Variants in SLC29A3 observed in about 807,000 individuals in gnomAD.
SLC29A3 encodes the protein solute carrier family 29 member 3, also known as equilibrative nucleoside transporter 3.
Under a neutral mutation model 25.4 loss-of-function variants are expected in SLC29A3, and 18 were observed. The observed-to-expected ratio is 0.71, with a 90% confidence interval of 0.49 to 1.05. The LOEUF is 1.05. Ranked by LOEUF, SLC29A3 falls within the 50% of genes least tolerant of loss-of-function variation. The probability of loss-of-function intolerance (pLI) is 0.00; values close to 1 mark genes in which losing one functional copy is unlikely to be tolerated. For synonymous variants in SLC29A3, 258 were observed against 267.1 expected (o/e 0.97, Z 0.33); for missense variants, 586 against 609.0 (o/e 0.96, Z 0.40).
At chr10:71,324,389 G>A (rs1239763825) in intron 2 of SLC29A3, among the ~76,000 whole-genome samples, 1 of 152,192 alleles carries the variant, frequency 6.6e-6, no homozygotes, top group Admixed American at 6.5e-5. Context: ...GACCGACTGA[G>A]TATGCTTGGG....
intron 3 of SLC29A3, among the ~76,000 whole-genome samples, chr10:71,374,202 A>T (rs754998322): frequency 4.6e-5 from 7 of 151,942 alleles, no homozygotes; most frequent in Non-Finnish European, 8.8e-5. Flanking sequence ...CATTATTTGT[A>T]CCTCTCTTCC....
At chr10:71,323,692 G>T (rs563262122) in intron 2 of SLC29A3, among the ~76,000 whole-genome samples, 23 of 152,340 alleles carry the variant, frequency 1.5e-4, no homozygotes, top group Admixed American at 2.6e-4. Context: ...AAAATGGGAG[G>T]TTCTGTTATG....
At chr10:71,375,332 A>G (rs969403777) in intron 3 of SLC29A3, among the ~76,000 whole-genome samples, 76 of 151,990 alleles carry the variant, frequency 5.0e-4, no homozygotes, top group African/African-American at 1.8e-3. Flanking sequence ...AGTATTAAAC[A>G]CAGAACTGCA....
At chr10:71,361,468 G>A (rs1049229130) in intron 5 of SLC29A3, among the ~76,000 whole-genome samples, 5 of 152,326 alleles carry the variant, frequency 3.3e-5, no homozygotes, top group African/African-American at 9.6e-5. Context: ...GGCCTAGAAT[G>A]TTAACAGCCA....
At chr10:71,355,592 C>T (rs1846882537) in intron 4 of SLC29A3, among the ~76,000 whole-genome samples, 1 of 152,166 alleles carries the variant, frequency 6.6e-6, no homozygotes, top group South Asian at 2.1e-4. Context: ...AGGGTGGCCT[C>T]TGGGCAGCAG....
exon 5 of SLC29A3, chr10:71,380,816 C>G (rs1173165467): frequency 6.6e-6 from 1 of 152,224 alleles, no homozygotes; most frequent in African/African-American, 2.4e-5. Context: ...AATCTCTCAT[C>G]ACGCCATTCA....
chr10:71,328,566 C>T (rs1002126029), intron 2 of SLC29A3, among the ~76,000 whole-genome samples: 1 of 152,222 alleles, frequency 6.6e-6, no homozygotes. Flanking sequence ...AACTCTCTTA[C>T]TCTACATCCT....
chr10:71,351,785 T>C lies in SLC29A3; in HGVS notation c.607T>C (p.Ser203Pro), dbSNP rs397514626. ...FPMRNSQALI[S>P]GGAMGGTVSA... ...TATGAGGAACTCCCAGGCACTGATA[T>C]CAGGTGAGAGCCAGGGTCCGGGCAG... The change falls in exon 4 of 6, where the codon TCA becomes CCA. Residue 203 changes from serine (S) to proline (P), a missense_variant. Coordinates refer to ENST00000373189, the MANE Select transcript of SLC29A3 (RefSeq NM_018344.6). 5 of 1,610,720 alleles carry C rather than the reference T, an allele frequency of 3.1e-6. No individual in the cohort carries two copies. The highest frequency in any genetic ancestry group is 2.2e-5 in the East Asian group (1 of 44,840).
intron 4 of SLC29A3, 112 bp from the exon 5 acceptor site, chr10:71,355,969 T>C (rs1402337074): frequency 6.2e-6 from 8 of 1,280,490 alleles, no homozygotes; most frequent in Non-Finnish European, 7.8e-6. Flanking sequence ...TTTGGCATTT[T>C]TCGCACGGAG....
intron 2 of SLC29A3, among the ~76,000 whole-genome samples, chr10:71,337,825 G>T (rs1158269098): frequency 1.3e-5 from 2 of 152,244 alleles, no homozygotes; most frequent in African/African-American, 2.4e-5. Flanking sequence ...GAGCCTCTCA[G>T]TGTGGCGGAG....
intron 5 of SLC29A3, among the ~76,000 whole-genome samples, chr10:71,359,748 C>T (rs559709182): frequency 9.2e-5 from 14 of 152,234 alleles, no homozygotes; most frequent in Non-Finnish European, 1.8e-4. Flanking sequence ...TGTGCCTGGC[C>T]CAAGATCACA....
chr10:71,322,708 G>C (rs757238959), intron 1 of SLC29A3, 48 bp from the exon 2 acceptor site: 5 of 1,610,910 alleles, frequency 3.1e-6, no homozygotes, highest in Non-Finnish European at 4.2e-6. Flanking sequence ...CCCCAGCCTT[G>C]GTTTCTACTC....
At chr10:71,337,583 A>C (rs1295038974) in intron 2 of SLC29A3, among the ~76,000 whole-genome samples, 1 of 152,120 alleles carries the variant, frequency 6.6e-6, no homozygotes, top group East Asian at 1.9e-4. Flanking sequence ...GGGGCTGCAC[A>C]AAGCTGCCTC....
chr10:71,363,292 A>G lies in SLC29A3; in HGVS notation c.*684A>G. 2.2e-6 allele frequency: 1 copy of G among 454,112 alleles called. No individual in the cohort carries two copies. Among genetic ancestry groups the G allele is most frequent in the Non-Finnish European group, 4.4e-6 (1 of 226,792 alleles). 28.1% of individuals were successfully genotyped at this position (454,112 alleles called of 1,614,324 possible). On this transcript the variant is annotated 3_prime_UTR_variant, in exon 6 of 6. Transcript: ENST00000373189. ...AGGGATCCTCATGACCTGGTGGTCT[A>G]TGGCCTGGGTCAAGATGAGGGTCTT...
rs1383286635 is a variant in SLC29A3, at chr10:71,363,222, C to T, written c.*614C>T. 2 of 453,686 alleles carry T rather than the reference C, an allele frequency of 4.4e-6. No homozygotes were observed. The highest frequency in any genetic ancestry group is 4.0e-5 in the African/African-American group (2 of 49,978). 28.1% of individuals were successfully genotyped at this position (453,686 alleles called of 1,614,324 possible). ...ATTCCAGAGGGACCAGAGGGCCTCC[C>T]TGTGCAAGGGATCAAGCATGTCTGG... On this transcript the variant is annotated 3_prime_UTR_variant, in exon 6 of 6. Coordinates refer to ENST00000373189, the MANE Select transcript of SLC29A3 (RefSeq NM_018344.6).
In SLC29A3 at chr10:71,322,531, C is replaced by T. The variant is rs137981327; in HGVS notation, c.2-225C>T. Among the ~76,000 whole-genome samples, 12 of 152,280 alleles carry T rather than the reference C, an allele frequency of 7.9e-5. No individual in the cohort carries two copies. In the East Asian group the frequency reaches 2.1e-3, roughly 27 times the overall value. ...TGTTGCCCTTGCATGGTTGGGGTGA[C>T]CTCTGAGGACACTTACAGTTCTGAC... On this transcript the variant is annotated intron_variant, in intron 1 of 5. Transcript: ENST00000373189.
chr10:71,348,266 T>C (rs1185892619), intron 3 of SLC29A3, among the ~76,000 whole-genome samples: 1 of 152,372 alleles, frequency 6.6e-6, no homozygotes, highest in East Asian at 1.9e-4. Context: ...GGCCTTTGCC[T>C]CCTTCTTGCC....
At chr10:71,343,350 T>C (rs1489418406) in intron 2 of SLC29A3, among the ~76,000 whole-genome samples, 1 of 152,224 alleles carries the variant, frequency 6.6e-6, no homozygotes, top group African/African-American at 2.4e-5. Flanking sequence ...TCTTTGAGTT[T>C]TCACAGACAC....
chr10:71,335,563 G>A (rs896877042), intron 2 of SLC29A3, among the ~76,000 whole-genome samples: 1 of 152,184 alleles, frequency 6.6e-6, no homozygotes, highest in African/African-American at 2.4e-5. Context: ...CCCGAGGGGA[G>A]ACTGGGTGGA....
Sources: gnomAD v4.1 joint callset for allele counts (sites outside exome capture counted in the v4.1 genomes callset) on GRCh38, gnomAD v4.1.1 for gene constraint, MANE v1.5 for transcripts, NCBI Gene and HGNC (gene_info 2026-07-23, HGNC 2026-07-21) for gene names.